Variants in NAV3 observed in about 807,000 individuals in gnomAD.
NAV3 encodes the protein neuron navigator 3.
Under a neutral mutation model 244.7 loss-of-function variants are expected in NAV3, and 87 were observed. The ratio of observed to expected loss-of-function variants is 0.36; its 90% CI spans 0.30 to 0.42. The LOEUF (loss-of-function observed/expected upper bound fraction) is 0.42, where lower values mean the gene tolerates loss of function less well. Among genes scored for constraint, NAV3 ranks in the 20% least tolerant of loss-of-function variants. The probability of loss-of-function intolerance (pLI) is 1.00; values close to 1 mark genes in which losing one functional copy is unlikely to be tolerated. For missense variants in NAV3, 2,663 were observed against 2,893.3 expected, an observed-to-expected ratio of 0.92 and a Z score of 1.83; for synonymous variants, 1,126 against 1,042.2, an observed-to-expected ratio of 1.08 and a Z score of -1.55.
intron 2 of NAV3, among the ~76,000 whole-genome samples, chr12:77,742,242 C>G (rs1279606456): frequency 6.6e-6 from 1 of 151,862 alleles, no homozygotes; most frequent in Non-Finnish European, 1.5e-5. Flanking sequence ...GGGTTTTATC[C>G]ACAGGATAAG....
intron 2 of NAV3, among the ~76,000 whole-genome samples, chr12:77,741,997 C>T (rs1280176637): frequency 6.6e-6 from 1 of 152,030 alleles, no homozygotes; most frequent in Non-Finnish European, 1.5e-5. Context: ...TCATATACAG[C>T]TTCACAAAGT....
At chr12:77,853,530 T>C (rs1189416493) in intron 1 of NAV3, among the ~76,000 whole-genome samples, 1 of 152,200 alleles carries the variant, frequency 6.6e-6, no homozygotes, top group African/African-American at 2.4e-5. Context: ...AACTCTACTG[T>C]TCAAAAATTT....
rs1263550715 is a variant in NAV3, at chr12:78,177,669, T to C, written c.5347T>C (p.Tyr1783His). 5 of 1,597,244 alleles carry C rather than the reference T, an allele frequency of 3.1e-6. No homozygotes were observed. Among genetic ancestry groups the C allele is most frequent in the East Asian group, 2.2e-5 (1 of 44,688 alleles). ...PKKRQNGPVIYKHRSRICECT... is the reference protein window; with the variant it reads ...PKKRQNGPVIHKHRSRICECT... ...GAAACGACAAAATGGCCCTGTGATC[T>C]ACAAGCATAGATCTCGGTAAAGTGG... Residue 1783 changes from tyrosine to histidine, a missense_variant, in exon 28 of 40, where the codon TAC (tyrosine) becomes CAC (histidine). By Grantham distance (83) the Tyr-to-His change is moderately conservative (BLOSUM62 2). This residue lies in a region of NAV3 where 193 missense variants were observed against 200.7 expected (regional missense o/e 0.96). Coordinates refer to ENST00000397909, the MANE Select transcript of NAV3 (RefSeq NM_001024383.2).
intron 2 of NAV3, among the ~76,000 whole-genome samples, chr12:77,780,625 T>C (rs969679436): frequency 6.6e-6 from 1 of 152,162 alleles, no homozygotes; most frequent in African/African-American, 2.4e-5. Flanking sequence ...TTATTGAAGT[T>C]AGGCTCCTGG....
chr12:77,844,725 A>G (rs1281766737), intron 1 of NAV3, among the ~76,000 whole-genome samples: 1 of 152,184 alleles, frequency 6.6e-6, no homozygotes, highest in Non-Finnish European at 1.5e-5. Context: ...ACATATACCT[A>G]CATATGATAC....
intron 2 of NAV3, among the ~76,000 whole-genome samples, chr12:77,818,074 G>A (rs925379756): frequency 2.0e-5 from 3 of 152,026 alleles, no homozygotes; most frequent in African/African-American, 7.2e-5. Flanking sequence ...TGGAGGGATA[G>A]GTGGGATAGG....
rs144629882 is a variant in NAV3, at chr12:77,619,444, G to A, written c.72+47178G>A. Among the ~76,000 whole-genome samples, 154 of 152,110 alleles carry A rather than the reference G, an allele frequency of 1.0e-3. 1 individual carries two copies. In the Middle Eastern group the frequency reaches 0.01, roughly 10 times the overall value. On this transcript the variant is annotated intron_variant, in intron 2 of 8. Transcript: ENST00000550042. ...AATTGCATTTCATTTTTCCATTTGC[G>A]TTGACAATTTTCTCTATTGGTAAAG...
At chr12:77,934,973 C>G (rs1050329276) in intron 1 of NAV3, among the ~76,000 whole-genome samples, 4 of 152,110 alleles carry the variant, frequency 2.6e-5, no homozygotes, top group Non-Finnish European at 5.9e-5. Context: ...AAGAGGCAGT[C>G]TTTCCCCTAT....
intron 7 of NAV3, among the ~76,000 whole-genome samples, chr12:78,002,550 G>T (rs983784806): frequency 4.6e-5 from 7 of 152,008 alleles, no homozygotes; most frequent in African/African-American, 1.7e-4. Context: ...TTAAATTTGG[G>T]CAGCTTATTC....
At chr12:77,668,755 C>T (rs1206037732) in intron 2 of NAV3, among the ~76,000 whole-genome samples, 1 of 152,102 alleles carries the variant, frequency 6.6e-6, no homozygotes, top group East Asian at 1.9e-4. Flanking sequence ...TCGTCCTTGG[C>T]CTTGCTAGAG....
At chr12:78,090,762 G>A (rs1471302617) in intron 12 of NAV3, among the ~76,000 whole-genome samples, 3 of 152,112 alleles carry the variant, frequency 2.0e-5, no homozygotes, top group African/African-American at 4.8e-5. Flanking sequence ...GTGATACAAA[G>A]AGCTACTACA....
chr12:78,035,574 C>A (rs1255868945), intron 9 of NAV3, among the ~76,000 whole-genome samples: 4 of 152,098 alleles, frequency 2.6e-5, no homozygotes, highest in Admixed American at 2.6e-4. Flanking sequence ...ATGAAATAGA[C>A]CTGGAAAAAT....
At chr12:78,180,799 G>T (rs2139728691) in intron 29 of NAV3, 72 bp from the exon 30 acceptor site, 1 of 1,250,706 alleles carries the variant, frequency 8.0e-7, no homozygotes, top group African/African-American at 1.5e-5. Context: ...AATTAACTCT[G>T]ATAAAAGACT....
intron 2 of NAV3, among the ~76,000 whole-genome samples, chr12:77,733,272 G>A (rs1161703852): frequency 6.6e-6 from 1 of 151,984 alleles, no homozygotes; most frequent in Non-Finnish European, 1.5e-5. Flanking sequence ...AGGGCATGAC[G>A]AGTATTTGTG....
chr12:78,137,160 T>TG lies in NAV3; in HGVS notation c.4442-16dup. Reference sequence around the variant, plus strand: ...TCAAGCTTAAGAGTAATAGGCTCTGTGTGTTTTGTTTTTCAGTGAGCCCAA... The same window carrying TG: ...TCAAGCTTAAGAGTAATAGGCTCTGTGGTGTTTTGTTTTTCAGTGAGCCCAA... On this transcript the variant is annotated splice_polypyrimidine_tract_variant and intron_variant, in intron 18 of 39. Transcript: ENST00000397909. 1 of 1,604,382 alleles carries TG rather than the reference T, an allele frequency of 6.2e-7. No homozygotes were observed. The highest frequency in any genetic ancestry group is 8.5e-7 in the Non-Finnish European group (1 of 1,175,082).
At chr12:77,713,863 C>T (rs193148571) in intron 2 of NAV3, among the ~76,000 whole-genome samples, 32 of 152,108 alleles carry the variant, frequency 2.1e-4, no homozygotes, top group Admixed American at 6.5e-4. Context: ...AGGTAATTAA[C>T]CATTTAGATT....
At chr12:78,099,645 A>T (rs1346234020) in intron 12 of NAV3, among the ~76,000 whole-genome samples, 1 of 151,950 alleles carries the variant, frequency 6.6e-6, no homozygotes. Flanking sequence ...ACTTTAAATC[A>T]ACTTGTACCT....
In NAV3 at chr12:78,177,697, T is replaced by C; in HGVS notation, c.5363+12T>C. On this transcript the variant is annotated intron_variant, in intron 28 of 39. Transcript: ENST00000397909. Reference sequence around the variant, plus strand: ...AAGCATAGATCTCGGTAAAGTGGAGTGCGATGCATGAATACTGCAAAGATC... The same window carrying C: ...AAGCATAGATCTCGGTAAAGTGGAGCGCGATGCATGAATACTGCAAAGATC... 1 of 1,595,852 alleles carries C rather than the reference T, an allele frequency of 6.3e-7. No individual in the cohort carries two copies. The highest frequency in any genetic ancestry group is 1.3e-5 in the African/African-American group (1 of 74,702).
intron 33 of NAV3, among the ~76,000 whole-genome samples, chr12:78,189,341 G>A (rs1354789974): frequency 6.6e-6 from 1 of 151,876 alleles, no homozygotes; most frequent in African/African-American, 2.4e-5. Context: ...TATATAAACT[G>A]TGAGTTAATA....
Sources: gnomAD v4.1 joint callset for allele counts (sites outside exome capture counted in the v4.1 genomes callset) on GRCh38, gnomAD v4.1.1 for gene constraint, gnomAD v4.1.1 regional missense constraint, MANE v1.5 for transcripts, NCBI Gene and HGNC (gene_info 2026-07-23, HGNC 2026-07-21) for gene names.